KCNN3: variants seen among roughly 807,000 people sequenced by gnomAD.
The protein encoded by KCNN3 is potassium calcium-activated channel subfamily N member 3.
Under a neutral mutation model 62.9 loss-of-function variants are expected in KCNN3, and 16 were observed. The observed-to-expected ratio is 0.25, with a 90% CI of 0.17 to 0.39. The LOEUF is 0.39. Ranked by LOEUF, KCNN3 falls within the 10% of genes least tolerant of loss-of-function variation. The pLI is 1.00. For synonymous variants in KCNN3, 370 were observed against 389.2 expected (o/e 0.95, Z 0.58); for missense variants, 599 against 949.4 (o/e 0.63, Z 4.85).
chr1:154,817,419 T>G (rs538250051), intron 2 of KCNN3, among the ~76,000 whole-genome samples: 254 of 152,356 alleles, frequency 1.7e-3, no homozygotes, highest in South Asian at 2.9e-3. Flanking sequence ...TCTTAGAGGC[T>G]TTCCCGAAAC....
intron 3 of KCNN3, among the ~76,000 whole-genome samples, chr1:154,748,418 T>C (rs1700986529): frequency 6.6e-6 from 1 of 152,182 alleles, no homozygotes; most frequent in South Asian, 2.1e-4. Context: ...AGAACAACAG[T>C]AGTTGGGATT....
chr1:154,709,322 C>T (rs935875250), intron 7 of KCNN3, among the ~76,000 whole-genome samples: 2 of 152,094 alleles, frequency 1.3e-5, no homozygotes, highest in African/African-American at 4.8e-5. Flanking sequence ...GCTCCTGGGG[C>T]GGCAATGCAG....
At chr1:154,836,700 T>C (rs1277032400) in intron 1 of KCNN3, among the ~76,000 whole-genome samples, 1 of 152,234 alleles carries the variant, frequency 6.6e-6, no homozygotes, top group Non-Finnish European at 1.5e-5. Flanking sequence ...CTATTCCTGT[T>C]TTCCGGGACC....
At position 154,726,040 on chromosome 1, in the gene KCNN3, T is replaced by C. The variant is rs745485566; in HGVS notation, c.1591-14A>G. 7 of 1,596,576 alleles carry C rather than the reference T, an allele frequency of 4.4e-6. No individual in the cohort carries two copies. The East Asian group carries it at 1.1e-4, about 25-fold the overall frequency. Reference sequence around the variant, plus strand: ...GCAGCCTGCACCCTGCGGGGGGACATCAAGAGGACCAGAGGGGAAAGAACA... The same window carrying C: ...GCAGCCTGCACCCTGCGGGGGGACACCAAGAGGACCAGAGGGGAAAGAACA... On this transcript the variant is annotated splice_polypyrimidine_tract_variant and intron_variant, in intron 4 of 7. Transcript: ENST00000271915.
chr1:154,860,665 G>A (rs1177220514), intron 1 of KCNN3, among the ~76,000 whole-genome samples: 1 of 152,210 alleles, frequency 6.6e-6, no homozygotes, highest in African/African-American at 2.4e-5. Flanking sequence ...TTTGGCTCAT[G>A]AGAAAAGGGG....
intron 3 of KCNN3, among the ~76,000 whole-genome samples, chr1:154,764,534 G>C (rs202059719): frequency 1.3e-5 from 2 of 152,064 alleles, no homozygotes; most frequent in East Asian, 3.8e-4. Flanking sequence ...TTTGCCTGTG[G>C]TTCCTTTAGG....
At chr1:154,825,102 A>G (rs1390711343) in intron 1 of KCNN3, among the ~76,000 whole-genome samples, 1 of 152,378 alleles carries the variant, frequency 6.6e-6, no homozygotes, top group South Asian at 2.1e-4. Context: ...CTGCCTGAAC[A>G]TCAGTGAAGC....
At chr1:154,715,606 CT>C (rs1557939190) in intron 5 of KCNN3, among the ~76,000 whole-genome samples, 1 of 148,030 alleles carries the variant, frequency 6.8e-6, no homozygotes, top group Non-Finnish European at 1.5e-5. Context: ...TTTCTCCTTC[CT>C]TCCTTCCTTC....
rs529646642 is a variant in KCNN3, at chr1:154,786,819, T to A, written c.1030-14426A>T. On this transcript the variant is annotated intron_variant, in intron 2 of 7. Coordinates refer to ENST00000271915, the MANE Select transcript of KCNN3 (RefSeq NM_002249.6). The stretch of plus-strand genomic sequence containing the variant: ...AGAAGCCTATATTGCTTTTGTAATT[T>A]AAAAAAACCCAATAAAGTATTTTTT... Among the ~76,000 whole-genome samples, 11 of 152,342 alleles carry A rather than the reference T, an allele frequency of 7.2e-5. No homozygotes were observed. The South Asian group carries it at 2.3e-3, about 32-fold the overall frequency.
In KCNN3 at chr1:154,809,186, C is replaced by T. The variant is rs779269613; in HGVS notation, c.1029+12903G>A. Among the ~76,000 whole-genome samples the T allele has an allele frequency of 3.3e-5, 5 of 152,174 alleles. No individual in the cohort carries two copies. The highest frequency in any genetic ancestry group is 4.8e-5 in the African/African-American group (2 of 41,440). ...TGATCTCACCGAGTGACCAGGTGTA[C>T]GGCTTCACCCGTCCATTTCACAGAC... On this transcript the variant is annotated intron_variant, in intron 2 of 7. Coordinates refer to ENST00000271915, the MANE Select transcript of KCNN3 (RefSeq NM_002249.6). This position sits in a 1 kb window ranked among gnomAD's most constrained non-coding sequence, Gnocchi z 4.3.
chr1:154,707,790 G>C lies in KCNN3; in HGVS notation c.*186C>G. On this transcript the variant is annotated 3_prime_UTR_variant, in exon 8 of 8. Transcript: ENST00000271915. The stretch of plus-strand genomic sequence containing the variant: ...TCCCAAGTAGAGGCACCTAAACAGA[G>C]ATTAGATTTCTGGTTTCAAGGCATG... The C allele has an allele frequency of 1.5e-6, 1 of 666,610 alleles. No homozygotes were observed. Among genetic ancestry groups the C allele is most frequent in the South Asian group, 2.1e-5 (1 of 48,194 alleles). The allele number at this position is 666,610 out of a possible 1,614,324, so 41.3% of individuals were successfully genotyped here. A position where few individuals can be genotyped will look rare whatever the true frequency, so the allele number is the denominator to read the frequency against.
chr1:154,864,397 C>G (rs1299010964), intron 1 of KCNN3, among the ~76,000 whole-genome samples: 1 of 152,278 alleles, frequency 6.6e-6, no homozygotes, highest in East Asian at 1.9e-4. Context: ...CTGCTCTGCC[C>G]TTCTGCAGAC....
intron 2 of KCNN3, among the ~76,000 whole-genome samples, chr1:154,786,639 C>T (rs1284411141): frequency 1.3e-5 from 2 of 152,204 alleles, no homozygotes; most frequent in Non-Finnish European, 2.9e-5. Context: ...CATGTTGGTA[C>T]ATTTTTGTAT....
intron 1 of KCNN3, among the ~76,000 whole-genome samples, chr1:154,834,335 T>G (rs1419513369): frequency 6.6e-6 from 1 of 152,220 alleles, no homozygotes; most frequent in Non-Finnish European, 1.5e-5. Flanking sequence ...GTACAGGGCT[T>G]CAAGGAAACT....
At chr1:154,837,375 G>A (rs1651635310) in intron 1 of KCNN3, among the ~76,000 whole-genome samples, 1 of 152,142 alleles carries the variant, frequency 6.6e-6, no homozygotes, top group African/African-American at 2.4e-5. Context: ...GATCTCCTGA[G>A]CTCGTAATCC....
chr1:154,864,403 CA>C (rs1186845396), intron 1 of KCNN3, among the ~76,000 whole-genome samples: 1 of 152,262 alleles, frequency 6.6e-6, no homozygotes, highest in Non-Finnish European at 1.5e-5. Flanking sequence ...TGCCCTTCTG[CA>C]GACAAGGCTT....
chr1:154,718,872 G>A (rs748297365), intron 5 of KCNN3, among the ~76,000 whole-genome samples: 1 of 152,078 alleles, frequency 6.6e-6, no homozygotes, highest in Non-Finnish European at 1.5e-5. Context: ...CTCAATACAT[G>A]GTACCTTTGT....
chr1:154,838,315 G>C (rs148832576), intron 1 of KCNN3, among the ~76,000 whole-genome samples: 5 of 152,116 alleles, frequency 3.3e-5, no homozygotes, highest in African/African-American at 1.2e-4. Context: ...CCCTACTCCC[G>C]GGCTCCTTCT....
chr1:154,735,613 C>T (rs1016698568), intron 3 of KCNN3, among the ~76,000 whole-genome samples: 1 of 152,000 alleles, frequency 6.6e-6, no homozygotes, highest in African/African-American at 2.4e-5. Context: ...GCTGGTGGCT[C>T]CCAACTCTGA....
Sources: gnomAD v4.1 joint callset for allele counts (sites outside exome capture counted in the v4.1 genomes callset) on GRCh38, gnomAD v4.1.1 for gene constraint, Gnocchi (gnomAD v3.1) non-coding constraint, MANE v1.5 for transcripts, NCBI Gene and HGNC (gene_info 2026-07-23, HGNC 2026-07-21) for gene names.